The following NEK10 variants were observed in gnomAD, a reference collection of about 807,000 sequenced individuals.
NEK10 encodes the protein NIMA related kinase 10.
Under a neutral mutation model 159.8 loss-of-function variants are expected in NEK10, and 122 were observed. The ratio of observed to expected loss-of-function variants is 0.76; its 90% confidence interval spans 0.66 to 0.89. The LOEUF (loss-of-function observed/expected upper bound fraction) is 0.89, where lower values mean the gene tolerates loss of function less well. Ranked by LOEUF, NEK10 falls within the 40% of genes least tolerant of loss-of-function variation. The pLI is 0.00. For synonymous variants in NEK10, 466 were observed against 457.1 expected (o/e 1.02, Z -0.25); for missense variants, 1,342 against 1,323.1 (o/e 1.01, Z -0.22).
At chr3:27,135,146 C>T (rs908096783) in intron 31 of NEK10, among the ~76,000 whole-genome samples, 6 of 152,054 alleles carry the variant, frequency 3.9e-5, no homozygotes, top group African/African-American at 1.4e-4. Flanking sequence ...CAGCCAGGCA[C>T]GGTGGTTCAT....
chr3:27,337,034 G>C (rs1254975670), intron 5 of NEK10, among the ~76,000 whole-genome samples: 1 of 151,838 alleles, frequency 6.6e-6, no homozygotes, highest in African/African-American at 2.4e-5. Flanking sequence ...ATTTGGCGGG[G>C]GGGAAAGGAA....
chr3:27,201,360 T>G (rs1056631468), intron 25 of NEK10, 150 bp downstream of exon 25: 1 of 656,616 alleles, frequency 1.5e-6, no homozygotes, highest in Non-Finnish European at 2.6e-6. Context: ...AAATAGTCAC[T>G]GTTACTGATG....
chr3:27,366,074 C>G (rs1197949442), intron 1 of NEK10, among the ~76,000 whole-genome samples: 2 of 152,120 alleles, frequency 1.3e-5, no homozygotes, highest in African/African-American at 4.8e-5. Context: ...TATTTCTCTC[C>G]TTGTATTGTG....
chr3:27,191,972 C>A, intron 26 of NEK10, 57 bp downstream of exon 26: 1 of 1,478,082 alleles, frequency 6.8e-7, no homozygotes, highest in Non-Finnish European at 9.4e-7. Context: ...CAAGCATGAA[C>A]AACTTCAGAC....
At position 27,291,242 on chromosome 3, in the gene NEK10, T is replaced by C. The variant is rs767254572; in HGVS notation, c.1605+20A>G. On this transcript the variant is annotated intron_variant, in intron 18 of 35. Transcript: ENST00000691995. The stretch of plus-strand genomic sequence containing the variant: ...GGTTTGGTTGGGAGTATCAGAAATG[T>C]TCCCCAAGGGGAAAGTCACCTTGTA... 25 of 1,605,638 alleles carry C rather than the reference T, an allele frequency of 1.6e-5. No individual in the cohort carries two copies. The South Asian group carries it at 2.4e-4, about 15-fold the overall frequency.
intron 22 of NEK10, among the ~76,000 whole-genome samples, chr3:27,261,437 G>T (rs1249882200): frequency 6.6e-6 from 1 of 152,092 alleles, no homozygotes; most frequent in Non-Finnish European, 1.5e-5. Context: ...TGTTCTCATT[G>T]GTTTCAAAGA....
intron 23 of NEK10, among the ~76,000 whole-genome samples, chr3:27,252,669 T>C (rs796188526): frequency 1.4e-4 from 17 of 121,512 alleles, no homozygotes; most frequent in South Asian, 2.6e-4. Flanking sequence ...TCAGAGGAAA[T>C]AGACCTTGTC....
chr3:27,196,504 T>C (rs1949571020), intron 25 of NEK10, among the ~76,000 whole-genome samples: 1 of 152,110 alleles, frequency 6.6e-6, no homozygotes, highest in African/African-American at 2.4e-5. Flanking sequence ...GGAAATTAAA[T>C]TGAGTGGAAG....
chr3:27,259,236 G>C (rs1559377716), intron 22 of NEK10, among the ~76,000 whole-genome samples: 1 of 152,128 alleles, frequency 6.6e-6, no homozygotes, highest in African/African-American at 2.4e-5. Flanking sequence ...GATTTCACTT[G>C]TCAATTTTGG....
intron 23 of NEK10, among the ~76,000 whole-genome samples, chr3:27,221,508 A>T (rs9875085): frequency 7.4e-4 from 112 of 152,354 alleles, no homozygotes; most frequent in African/African-American, 2.6e-3. Flanking sequence ...TCCTGGTAGA[A>T]ATGGAAAATG....
At chr3:27,133,154 A>G (rs1243442137) in intron 31 of NEK10, among the ~76,000 whole-genome samples, 1 of 152,208 alleles carries the variant, frequency 6.6e-6, no homozygotes, top group African/African-American at 2.4e-5. Context: ...GCACAGCCAC[A>G]AGAAGGAACA....
At chr3:27,256,912 CTTTTTT>C (rs550014186) in intron 22 of NEK10, among the ~76,000 whole-genome samples, 5 of 125,096 alleles carry the variant, frequency 4.0e-5, no homozygotes, top group Non-Finnish European at 3.3e-5. Context: ...TTTTTTCTCT[CTTTTTT>C]TTTTTTTTTT....
intron 25 of NEK10, among the ~76,000 whole-genome samples, chr3:27,197,945 G>C (rs1949707159): frequency 6.6e-6 from 1 of 152,114 alleles, no homozygotes; most frequent in Non-Finnish European, 1.5e-5. Context: ...TGATTTTCAA[G>C]AGAAATGCTT....
chr3:27,133,491 T>G (rs1216248633), intron 31 of NEK10, among the ~76,000 whole-genome samples: 2 of 152,168 alleles, frequency 1.3e-5, no homozygotes, highest in Non-Finnish European at 2.9e-5. Context: ...AAATATATCT[T>G]TGGCTGGGTG....
At chr3:27,275,811 C>T (rs1360349228) in intron 22 of NEK10, among the ~76,000 whole-genome samples, 2 of 152,088 alleles carry the variant, frequency 1.3e-5, no homozygotes, top group Admixed American at 6.6e-5. Flanking sequence ...GTCCTCTAAT[C>T]CTCTGAAAAA....
intron 5 of NEK10, among the ~76,000 whole-genome samples, chr3:27,343,235 G>T (rs2047323467): frequency 1.3e-5 from 2 of 152,076 alleles, no homozygotes; most frequent in Admixed American, 6.6e-5. Flanking sequence ...AATACTAAAT[G>T]ACCCCATCTA....
At chr3:27,292,526 G>A (rs1342245355) in intron 16 of NEK10, among the ~76,000 whole-genome samples, 1 of 152,150 alleles carries the variant, frequency 6.6e-6, no homozygotes, top group South Asian at 2.1e-4. Context: ...TTAGAGCTCT[G>A]AAATGAAAGA....
rs977125893 is a variant in NEK10 at position 27,283,240 on chromosome 3, T to C, written c.2014+1362A>G. Among the ~76,000 whole-genome samples, 4 of 152,150 alleles carry C rather than the reference T, an allele frequency of 2.6e-5. 1 individual carries two copies. Among genetic ancestry groups the C allele is most frequent in the Admixed American group, 2.0e-4 (3 of 15,286 alleles). ...ACTCAGCTTTAGATGCTGTCATATG[T>C]TGTCATATGACATCAATGATGTCTC... On this transcript the variant is annotated intron_variant, in intron 22 of 35. Transcript: ENST00000691995.
At chr3:27,270,878 TA>T (rs145384650) in intron 22 of NEK10, among the ~76,000 whole-genome samples, 1 of 151,148 alleles carries the variant, frequency 6.6e-6, no homozygotes, top group Non-Finnish European at 1.5e-5. Context: ...GTACACACTA[TA>T]AAAAAAAAGT....
Sources: allele counts gnomAD v4.1 joint callset (sites outside exome capture counted in the v4.1 genomes callset), GRCh38; gene constraint gnomAD v4.1.1; transcripts MANE v1.5; gene names NCBI Gene and HGNC (gene_info 2026-07-23, HGNC 2026-07-21).